The following RIMS4 variants were observed in gnomAD, a reference collection of about 807,000 sequenced individuals.
The protein encoded by RIMS4 is regulating synaptic membrane exocytosis 4, also known as regulating synaptic membrane exocytosis protein 4.
Under a neutral mutation model 29.0 loss-of-function variants are expected in RIMS4, and 9 were observed. That is an observed-to-expected ratio of 0.31 (90% CI 0.19 to 0.54). The LOEUF is 0.54. Ranked by LOEUF, RIMS4 falls within the 20% of genes least tolerant of loss-of-function variation. The pLI, the probability that RIMS4 is intolerant of heterozygous loss-of-function variation, is 0.94. For missense variants in RIMS4, 193 were observed against 365.7 expected (o/e 0.53, Z 3.85); for synonymous variants, 130 against 152.9 (o/e 0.85, Z 1.10).
intron 2 of RIMS4, among the ~76,000 whole-genome samples, chr20:44,759,500 C>T (rs573144371): frequency 6.6e-6 from 1 of 152,300 alleles, no homozygotes; most frequent in African/African-American, 2.4e-5. Flanking sequence ...CTCACGTGAT[C>T]CACCCACCTC....
chr20:44,783,989 A>C (rs1259233541), intron 1 of RIMS4, among the ~76,000 whole-genome samples: 1 of 152,212 alleles, frequency 6.6e-6, no homozygotes, highest in Non-Finnish European at 1.5e-5. Context: ...ATTATATCTC[A>C]ATAAAGCTTA....
At chr20:44,808,451 C>A (rs2066308667) in intron 1 of RIMS4, among the ~76,000 whole-genome samples, 1 of 152,140 alleles carries the variant, frequency 6.6e-6, no homozygotes, top group Admixed American at 6.5e-5. Flanking sequence ...ATGCTCCTGC[C>A]CAGCCTGGCT....
At chr20:44,780,469 T>C (rs2066179344) in intron 1 of RIMS4, among the ~76,000 whole-genome samples, 1 of 152,222 alleles carries the variant, frequency 6.6e-6, no homozygotes, top group Non-Finnish European at 1.5e-5. Flanking sequence ...CCACAATTCC[T>C]TCCCACTGGC....
At position 44,771,380 on chromosome 20, in the gene RIMS4, C is replaced by T; in HGVS notation, c.131G>A (p.Arg44Lys). The change falls in exon 2 of 6, where the codon AGG (arginine) becomes AAG (lysine). Residue 44 changes from arginine (R) to lysine (K), a missense_variant. Coordinates refer to ENST00000372851, the MANE Select transcript of RIMS4 (RefSeq NM_182970.4). ...CACTGCCAGGCCCGTCTCCGTGCTC[C>T]TCTGGATGGCCCCCTTCAGCCTCCG... Reference protein sequence around the residue: ...DSRRLKGAIQRSTETGLAVEM... With the variant: ...DSRRLKGAIQKSTETGLAVEM... 1 of 1,613,724 alleles carries T rather than the reference C, an allele frequency of 6.2e-7. No individual in the cohort carries two copies. Among genetic ancestry groups the T allele is most frequent in the Non-Finnish European group, 8.5e-7 (1 of 1,179,838 alleles).
intron 1 of RIMS4, among the ~76,000 whole-genome samples, chr20:44,788,546 G>A (rs981225629): frequency 2.6e-5 from 4 of 151,950 alleles, no homozygotes; most frequent in South Asian, 2.1e-4. Flanking sequence ...GCCAAAGCAG[G>A]AGGGTCATTT....
intron 1 of RIMS4, among the ~76,000 whole-genome samples, chr20:44,808,097 T>C (rs73907576): frequency 0.068 from 10,320 of 150,734 alleles, 1,142 homozygotes; most frequent in African/African-American, 0.23. Context: ...TATATATATA[T>C]ACACACACAC....
intron 1 of RIMS4, among the ~76,000 whole-genome samples, chr20:44,797,569 T>A (rs1398644381): frequency 6.6e-6 from 1 of 152,224 alleles, no homozygotes. Context: ...CATACAAAAT[T>A]CTATTAGACT....
At chr20:44,758,267 A>G in intron 2 of RIMS4, 83 bp from the exon 3 acceptor site, 1 of 897,110 alleles carries the variant, frequency 1.1e-6, no homozygotes, top group Non-Finnish European at 1.7e-6. Flanking sequence ...ACCTCCATGC[A>G]ATGGATATGC....
At chr20:44,806,401 G>A (rs1215635952) in intron 1 of RIMS4, among the ~76,000 whole-genome samples, 1 of 152,228 alleles carries the variant, frequency 6.6e-6, no homozygotes, top group Non-Finnish European at 1.5e-5. Context: ...TGGTCAGGAA[G>A]AGCAGGGAAC....
chr20:44,776,347 TC>T (rs1018335294), intron 1 of RIMS4, among the ~76,000 whole-genome samples: 2 of 152,302 alleles, frequency 1.3e-5, no homozygotes, highest in African/African-American at 4.8e-5. Context: ...CACCCAGGCA[TC>T]CAAGACTCTC....
Position 44,755,924 on chromosome 20 carries a change from A to G in RIMS4, c.*210T>C, listed in dbSNP as rs2066057561. On this transcript the variant is annotated 3_prime_UTR_variant, in exon 6 of 6. Coordinates refer to ENST00000372851, the MANE Select transcript of RIMS4 (RefSeq NM_182970.4). Reference sequence around the variant, plus strand: ...CAAGAACCGGCCAAGTCAAAAGTGTAGCCAATCCCGTTGGGAGAGGGGAGG... The same window carrying G: ...CAAGAACCGGCCAAGTCAAAAGTGTGGCCAATCCCGTTGGGAGAGGGGAGG... 3.7e-6 allele frequency: 2 copies of G among 547,296 alleles called. No individual in the cohort carries two copies. The highest frequency in any genetic ancestry group is 3.3e-6 in the Non-Finnish European group (1 of 306,328). 33.9% of individuals were successfully genotyped at this position (547,296 alleles called of 1,614,324 possible).
chr20:44,796,232 T>C (rs894187559), intron 1 of RIMS4, among the ~76,000 whole-genome samples: 9 of 152,046 alleles, frequency 5.9e-5, no homozygotes, highest in Non-Finnish European at 1.3e-4. Flanking sequence ...TTGTCTTATA[T>C]GCCTCTTTAT....
At chr20:44,801,466 G>A (rs540574686) in intron 1 of RIMS4, among the ~76,000 whole-genome samples, 2 of 152,080 alleles carry the variant, frequency 1.3e-5, no homozygotes, top group South Asian at 2.1e-4. Context: ...CCTTTACATC[G>A]ATGATTCCTT....
intron 1 of RIMS4, among the ~76,000 whole-genome samples, chr20:44,790,966 G>A (rs927978800): frequency 1.3e-5 from 2 of 152,202 alleles, no homozygotes; most frequent in Non-Finnish European, 2.9e-5. Context: ...ATTAGGGTGC[G>A]CTGCCTCGTG....
chr20:44,801,406 A>C (rs1280700134), intron 1 of RIMS4, among the ~76,000 whole-genome samples: 1 of 152,192 alleles, frequency 6.6e-6, no homozygotes, highest in Non-Finnish European at 1.5e-5. Context: ...AAACATCTGA[A>C]TAAACTGACT....
chr20:44,808,888 G>A (rs779363927), intron 1 of RIMS4, among the ~76,000 whole-genome samples: 10 of 152,164 alleles, frequency 6.6e-5, no homozygotes, highest in Non-Finnish European at 1.3e-4. Context: ...AAAACCGTAG[G>A]CTACATTTTG....
At chr20:44,800,967 A>G (rs1055041611) in intron 1 of RIMS4, among the ~76,000 whole-genome samples, 1 of 152,176 alleles carries the variant, frequency 6.6e-6, no homozygotes, top group Non-Finnish European at 1.5e-5. Flanking sequence ...CATCATTTTT[A>G]TGAAGTCTAC....
In RIMS4 at chr20:44,755,833, G is replaced by T. The variant is rs966074400; in HGVS notation, c.*301C>A. On this transcript the variant is annotated 3_prime_UTR_variant, in exon 6 of 6. Coordinates refer to ENST00000372851, the MANE Select transcript of RIMS4 (RefSeq NM_182970.4). ...GGGGAGAAGTTGGACAGTTTGGGAA[G>T]GGAGAGTGGTCTGCTCTGCCACCTC... 1 of 345,864 alleles carries T rather than the reference G, an allele frequency of 2.9e-6. No homozygotes were observed. The highest frequency in any genetic ancestry group is 4.1e-5 in the Admixed American group (1 of 24,364). The allele number at this position is 345,864 out of a possible 1,614,324, so 21.4% of individuals were successfully genotyped here.
intron 1 of RIMS4, among the ~76,000 whole-genome samples, chr20:44,792,708 G>C (rs1952791204): frequency 6.6e-6 from 1 of 152,192 alleles, no homozygotes. Flanking sequence ...TGACATTTCA[G>C]TAAGATTATC....
Sources: allele counts gnomAD v4.1 joint callset (sites outside exome capture counted in the v4.1 genomes callset), GRCh38; gene constraint gnomAD v4.1.1; transcripts MANE v1.5; gene names NCBI Gene and HGNC (gene_info 2026-07-23, HGNC 2026-07-21).